Variants in DAAM2 observed in about 807,000 individuals in gnomAD.
DAAM2 encodes disheveled-associated activator of morphogenesis 2.
A neutral mutation model predicts 120.7 loss-of-function variants in DAAM2; 39 were observed. The ratio of observed to expected loss-of-function variants is 0.32; its 90% confidence interval spans 0.25 to 0.42. The LOEUF (loss-of-function observed/expected upper bound fraction) is 0.42, where lower values mean the gene tolerates loss of function less well. DAAM2 is among the 10% of genes least tolerant of loss of function. DAAM2 has a pLI of 1.00. For synonymous variants in DAAM2, 488 were observed against 524.9 expected (o/e 0.93, Z 0.96); for missense variants, 1,283 against 1,401.7 (o/e 0.92, Z 1.35).
chr6:39,883,072 C>T (rs1283049255), intron 14 of DAAM2, among the ~76,000 whole-genome samples: 2 of 152,098 alleles, frequency 1.3e-5, no homozygotes, highest in South Asian at 4.1e-4. Context: ...TGAAGGACAG[C>T]AAAGCTCTAG....
At chr6:39,888,183 A>T (rs1471953049) in intron 16 of DAAM2, 1 of 156,348 alleles carries the variant, frequency 6.4e-6, no homozygotes, top group Admixed American at 6.2e-5. Context: ...TCCCTCTCCC[A>T]GACAGCAAGA....
At chr6:39,837,817 A>G (rs1431985900) in intron 1 of DAAM2, among the ~76,000 whole-genome samples, 1 of 152,128 alleles carries the variant, frequency 6.6e-6, no homozygotes, top group Middle Eastern at 3.2e-3. Context: ...CCCCAATGCC[A>G]TATATTTTAC....
At position 39,901,128 on chromosome 6, in the gene DAAM2, T is replaced by G. The variant is rs1171491468; in HGVS notation, c.2812-174T>G. On this transcript the variant is annotated intron_variant, in intron 23 of 24. Coordinates refer to ENST00000274867, the MANE Select transcript of DAAM2 (RefSeq NM_001201427.2). This position sits in a 1 kb window ranked among gnomAD's most constrained non-coding sequence, Gnocchi z 4.5. ...TTACCTGCCTCTCCTTAGCCTTGTC[T>G]CTGATCCTGATGATGATGGGGGTGT... is the stretch of plus-strand genomic sequence containing the variant. 1.3e-5 allele frequency among the ~76,000 whole-genome samples: 2 copies of G among 152,096 alleles called. No individual in the cohort carries two copies. The highest frequency in any genetic ancestry group is 4.8e-5 in the African/African-American group (2 of 41,406).
At chr6:39,894,619 T>G (rs1480843642) in intron 19 of DAAM2, among the ~76,000 whole-genome samples, 14 of 151,426 alleles carry the variant, frequency 9.2e-5, no homozygotes, top group Admixed American at 9.2e-4. Context: ...ATTTTTTAAA[T>G]TTTTACCTAT....
intron 1 of DAAM2, among the ~76,000 whole-genome samples, chr6:39,847,289 C>T (rs553708363): frequency 7.9e-5 from 12 of 152,302 alleles, no homozygotes; most frequent in Admixed American, 5.9e-4. Context: ...GGCTGTGGAA[C>T]GGTGCTGAGG....
intron 2 of DAAM2, among the ~76,000 whole-genome samples, chr6:39,857,944 C>G (rs1764071644): frequency 6.6e-6 from 1 of 151,666 alleles, no homozygotes; most frequent in Non-Finnish European, 1.5e-5. Flanking sequence ...AGTGCTAGGA[C>G]AGGGAGCATT....
At chr6:39,812,494 A>G (rs954652236) in intron 1 of DAAM2, among the ~76,000 whole-genome samples, 2 of 152,078 alleles carry the variant, frequency 1.3e-5, no homozygotes, top group Admixed American at 6.6e-5. Flanking sequence ...CCGTACCCCA[A>G]TCATTTCACT....
In DAAM2 at chr6:39,891,466, T is replaced by C; in HGVS notation, c.2252+19T>C. On this transcript the variant is annotated intron_variant, in intron 18 of 24. Transcript: ENST00000274867. ...TGAGCAGGTTGGGCCATGGGCATGGTGGGGATTCAAGCAGGTGGGGTTCTG... is the reference window on the plus strand; with the variant it reads ...TGAGCAGGTTGGGCCATGGGCATGGCGGGGATTCAAGCAGGTGGGGTTCTG... The C allele has an allele frequency of 1.3e-6, 2 of 1,589,716 alleles. No individual in the cohort carries two copies. Among genetic ancestry groups the C allele is most frequent in the Non-Finnish European group, 1.7e-6 (2 of 1,165,986 alleles).
rs531101009 is a variant in DAAM2 at position 39,871,521 on chromosome 6, C to T, written c.993C>T (p.Phe331=). Residue 331 remains phenylalanine (F), a synonymous_variant, in exon 9 of 25, where the codon TTC becomes TTT. Coordinates refer to ENST00000274867, the MANE Select transcript of DAAM2 (RefSeq NM_001201427.2). ...TTCTGTCTAGACATTTAGACTTCTT[C>T]GAGATGGTGCGGAATGAGGATGACC... The part of the protein sequence containing the change: ...NAILDKHLDF[F]EMVRNEDDLE... 31 of 1,551,498 alleles carry T rather than the reference C, an allele frequency of 2.0e-5. No individual in the cohort carries two copies. The highest frequency in any genetic ancestry group is 2.7e-5 in the African/African-American group (2 of 73,116).
At chr6:39,824,010 CT>C (rs1289872288) in intron 1 of DAAM2, among the ~76,000 whole-genome samples, 1 of 152,156 alleles carries the variant, frequency 6.6e-6, no homozygotes, top group Non-Finnish European at 1.5e-5. Context: ...TTCTGGTCGT[CT>C]TTTCTCCAGA....
rs199956358 is a variant in DAAM2 at position 39,879,350 on chromosome 6, C to T, written c.1718C>T (p.Pro573Leu). 2,333 of 1,611,702 alleles carry T rather than the reference C, an allele frequency of 1.4e-3. 37 individuals carry two copies. In the South Asian group the frequency reaches 0.017, roughly 12 times the overall value. ...CCCCCGACTCCCCCAGGTGCCCCACCTTGCCTCGGCATGGGCCTGCCCCTC... is the reference window on the plus strand; with the variant it reads ...CCCCCGACTCCCCCAGGTGCCCCACTTTGCCTCGGCATGGGCCTGCCCCTC... ...GGPPTPPGAP[P>L]CLGMGLPLPQ... Residue 573 changes from proline to leucine, a missense_variant, in exon 14 of 25, where the codon CCT (proline) becomes CTT (leucine). Around this residue, in one of 3 missense-constraint regions of DAAM2, gnomAD observed 748 missense variants for 768.6 expected, o/e 0.97. Coordinates refer to ENST00000274867, the MANE Select transcript of DAAM2 (RefSeq NM_001201427.2).
intron 1 of DAAM2, among the ~76,000 whole-genome samples, chr6:39,814,861 T>C (rs1307894034): frequency 6.6e-6 from 1 of 152,228 alleles, no homozygotes. Context: ...TGAATTCCAC[T>C]GGATACTCAT....
rs1427897271 is a variant in DAAM2 at position 39,878,440 on chromosome 6, A to G, written c.1397A>G (p.Glu466Gly). The change falls in exon 13 of 25, where the codon GAG becomes GGG. Residue 466 changes from glutamate (E) to glycine (G), a missense_variant. By Grantham distance (98) the Glu-to-Gly change is moderately conservative. Transcript: ENST00000274867. This position sits in a 1 kb window ranked among gnomAD's most constrained non-coding sequence, Gnocchi z 5.0. ...CTTGTGAGCCGTCTGGAGAGGAAGGAGCGGGAATGCGAGACAAAGACATTG... is the reference window on the plus strand; with the variant it reads ...CTTGTGAGCCGTCTGGAGAGGAAGGGGCGGGAATGCGAGACAAAGACATTG... ...MELVSRLERK[E>G]RECETKTLEK... 1.2e-6 allele frequency: 2 copies of G among 1,612,226 alleles called. No individual in the cohort carries two copies. Among genetic ancestry groups the G allele is most frequent in the Non-Finnish European group, 1.7e-6 (2 of 1,179,078 alleles).
chr6:39,799,124 T>C (rs1488428184), intron 1 of DAAM2, among the ~76,000 whole-genome samples: 2 of 152,182 alleles, frequency 1.3e-5, no homozygotes, highest in African/African-American at 4.8e-5. Context: ...ATCGACTATG[T>C]GGATACTTTG....
Position 39,904,403 on chromosome 6 carries a change from C to A in DAAM2, c.*2366C>A. The A allele has an allele frequency of 2.2e-6, 1 of 455,786 alleles. No individual in the cohort carries two copies. Among genetic ancestry groups the A allele is most frequent in the Non-Finnish European group, 4.4e-6 (1 of 226,980 alleles). The allele number at this position is 455,786 out of a possible 1,614,324, so 28.2% of individuals were successfully genotyped here. A position where few individuals can be genotyped will look rare whatever the true frequency, so the allele number is the denominator to read the frequency against. ...GAGTAAGAAGGGGCTGGTGCCCAGT[C>A]GGGGTGGCTGAGCTGGTCCTTAATA... On this transcript the variant is annotated 3_prime_UTR_variant, in exon 25 of 25. Coordinates refer to ENST00000274867, the MANE Select transcript of DAAM2 (RefSeq NM_001201427.2).
chr6:39,873,407 G>C, intron 10 of DAAM2, 52 bp downstream of exon 10: 1 of 1,333,516 alleles, frequency 7.5e-7, no homozygotes, highest in Middle Eastern at 1.8e-4. Flanking sequence ...CCTTGACTTG[G>C]GGCAGGTTTA....
intron 1 of DAAM2, among the ~76,000 whole-genome samples, chr6:39,792,776 C>T (rs1212274158): frequency 6.6e-6 from 1 of 152,142 alleles, no homozygotes; most frequent in South Asian, 2.1e-4. Flanking sequence ...ATGTTTTTTG[C>T]GGCTTTGAAA....
At chr6:39,810,909 A>G (rs1430701725) in intron 1 of DAAM2, among the ~76,000 whole-genome samples, 1 of 152,032 alleles carries the variant, frequency 6.6e-6, no homozygotes, top group Non-Finnish European at 1.5e-5. Context: ...ATTCTTTATT[A>G]CACCCTAAGG....
At chr6:39,867,924 T>C (rs1764497954) in intron 6 of DAAM2, 81 bp downstream of exon 6, 5 of 1,268,842 alleles carry the variant, frequency 3.9e-6, no homozygotes, top group Non-Finnish European at 5.4e-6. Flanking sequence ...GAAGATTCTT[T>C]GCAGCAGAAA....
Sources: gnomAD v4.1 joint callset for allele counts (sites outside exome capture counted in the v4.1 genomes callset) on GRCh38, gnomAD v4.1.1 for gene constraint, gnomAD v4.1.1 regional missense constraint, Gnocchi (gnomAD v3.1) non-coding constraint, MANE v1.5 for transcripts, NCBI Gene and HGNC (gene_info 2026-07-23, HGNC 2026-07-21) for gene names.